FCER1A: variants seen among roughly 807,000 people sequenced by gnomAD.
FCER1A encodes the protein Fc epsilon receptor Ia.
FCER1A carries 24 observed loss-of-function variants against 23.6 expected under a neutral mutation model. The observed-to-expected ratio is 1.02, with a 90% CI of 0.74 to 1.43. The LOEUF (loss-of-function observed/expected upper bound fraction) is 1.43. Ranked by LOEUF, FCER1A falls within the 40% of genes most tolerant of loss-of-function variation. FCER1A has a pLI of 0.00. For synonymous variants in FCER1A, 121 were observed against 108.8 expected (o/e 1.11, Z -0.70); for missense variants, 318 against 294.5 (o/e 1.08, Z -0.58).
upstream of FCER1A, among the ~76,000 whole-genome samples, chr1:159,287,929 G>C (rs1652057720): frequency 6.6e-6 from 1 of 151,874 alleles, no homozygotes. Flanking sequence ...ATCTAAGCAT[G>C]CTCTCTGCTG....
chr1:159,302,405 C>A lies in FCER1A; in HGVS notation c.41C>A (p.Ala14Asp). The part of the protein sequence containing the change: ...AMESPTLLCV[A>D]LLFFAPDGVL... ...GAATCCCCTACTCTACTGTGTGTAG[C>A]CTTACTGTTCTTCGGTAAGTAGAGA... is the stretch of plus-strand genomic sequence containing the variant. The change falls in exon 1 of 5, where the codon GCC becomes GAC. Residue 14 changes from alanine to aspartate, a missense_variant. By Grantham distance (126) the Ala-to-Asp change is moderately radical. Coordinates refer to ENST00000693622, the MANE Select transcript of FCER1A (RefSeq NM_001387280.1). 1 of 1,609,432 alleles carries A rather than the reference C, an allele frequency of 6.2e-7. No homozygotes were observed. The highest frequency in any genetic ancestry group is 8.5e-7 in the Non-Finnish European group (1 of 1,175,670).
At position 159,302,852 on chromosome 1, in the gene FCER1A, A is replaced by G. The variant is rs770869369; in HGVS notation, c.56-2A>G. Reference sequence around the variant, plus strand: ...TAATGTATCCTCTCTGGACTTTTGCAGCTCCAGATGGCGTGTTAGCAGGTG... The same window carrying G: ...TAATGTATCCTCTCTGGACTTTTGCGGCTCCAGATGGCGTGTTAGCAGGTG... On this transcript the variant is annotated splice_acceptor_variant, in intron 1 of 4. Transcript: ENST00000693622. LOFTEE classifies it high-confidence loss of function. The G allele has an allele frequency of 6.2e-7, 1 of 1,613,898 alleles. No homozygotes were observed. Among genetic ancestry groups the G allele is most frequent in the East Asian group, 2.2e-5 (1 of 44,874 alleles).
upstream of FCER1A, among the ~76,000 whole-genome samples, chr1:159,298,987 T>G (rs1368192344): frequency 6.6e-6 from 1 of 152,234 alleles, no homozygotes; most frequent in Non-Finnish European, 1.5e-5. Flanking sequence ...ATCATCTATC[T>G]ATCTGGTCAT....
chr1:159,286,139 G>A (rs1304334631), upstream of FCER1A, among the ~76,000 whole-genome samples: 2 of 151,668 alleles, frequency 1.3e-5, no homozygotes, highest in African/African-American at 2.4e-5. Context: ...GCAGTGACCC[G>A]AGATCATGCC....
intron 1 of FCER1A, among the ~76,000 whole-genome samples, chr1:159,290,596 C>G (rs1652125351): frequency 6.6e-6 from 1 of 152,170 alleles, no homozygotes; most frequent in Non-Finnish European, 1.5e-5. Context: ...CCATTCAGAC[C>G]TCTAAGCTTC....
upstream of FCER1A, among the ~76,000 whole-genome samples, chr1:159,285,922 T>C (rs778507701): frequency 2.6e-5 from 4 of 152,140 alleles, no homozygotes; most frequent in Admixed American, 6.6e-5. Flanking sequence ...CTGTGGCTCA[T>C]GCCTGTAATC....
chr1:159,303,236 G>A (rs989172015), intron 2 of FCER1A, among the ~76,000 whole-genome samples: 1 of 152,062 alleles, frequency 6.6e-6, no homozygotes, highest in African/African-American at 2.4e-5. Flanking sequence ...CATGGCTAAG[G>A]AACTGGATTT....
intron 4 of FCER1A, 81 bp downstream of exon 4, chr1:159,306,326 T>C: frequency 1.4e-6 from 2 of 1,406,664 alleles, no homozygotes; most frequent in East Asian, 2.4e-5. Flanking sequence ...TTGCAGCTTG[T>C]AGAAGGGGGG....
chr1:159,286,076 G>A (rs1469150817), upstream of FCER1A, among the ~76,000 whole-genome samples: 1 of 151,724 alleles, frequency 6.6e-6, no homozygotes, highest in African/African-American at 2.4e-5. Flanking sequence ...TGTAATTCCA[G>A]CTACTCAGGA....
intron 1 of FCER1A, among the ~76,000 whole-genome samples, chr1:159,292,103 G>A (rs1031169517): frequency 6.6e-6 from 1 of 152,042 alleles, no homozygotes; most frequent in African/African-American, 2.4e-5. Flanking sequence ...TCTGCTCTGA[G>A]ACTTTCTCTG....
upstream of FCER1A, among the ~76,000 whole-genome samples, chr1:159,284,714 C>T (rs1462484823): frequency 6.6e-6 from 1 of 152,130 alleles, no homozygotes; most frequent in Non-Finnish European, 1.5e-5. Flanking sequence ...TGTCTATATA[C>T]ACATGTATTT....
At chr1:159,284,769 C>T (rs2511213), upstream of FCER1A, among the ~76,000 whole-genome samples, 62,255 of 151,968 alleles carry the variant, frequency 0.41, 15,267 homozygotes, top group East Asian at 0.71. Context: ...TGTAGCCTTT[C>T]TTCTTTTTAA....
chr1:159,284,702 C>A, the FCER1A span, among the ~76,000 whole-genome samples: 1 of 152,062 alleles, frequency 6.6e-6, no homozygotes, highest in East Asian at 1.9e-4. Flanking sequence ...TATGTGTGCA[C>A]CTGTCTATAT....
intron 1 of FCER1A, among the ~76,000 whole-genome samples, chr1:159,296,882 C>T (rs1652305655): frequency 6.6e-6 from 1 of 152,124 alleles, no homozygotes; most frequent in South Asian, 2.1e-4. Flanking sequence ...TCCTGCCCCT[C>T]CCACTGTTCC....
At chr1:159,285,711 T>C (rs574633322), upstream of FCER1A, among the ~76,000 whole-genome samples, 54 of 152,228 alleles carry the variant, frequency 3.5e-4, 1 homozygote, top group East Asian at 9.8e-3. Context: ...TTGCATGGAA[T>C]ATACAAAATA....
At position 159,304,231 on chromosome 1, in the gene FCER1A, T is replaced by C. The variant is rs754859353; in HGVS notation, c.331+49T>C. 8 of 1,571,712 alleles carry C rather than the reference T, an allele frequency of 5.1e-6. No homozygotes were observed. The South Asian group carries it at 8.1e-5, about 16-fold the overall frequency. ...ACAGATCTCTCATGTGAGGGATGGC[T>C]CATCTGAAGATGGGAAAAAACAGGT... On this transcript the variant is annotated intron_variant, in intron 3 of 4. Coordinates refer to ENST00000693622, the MANE Select transcript of FCER1A (RefSeq NM_001387280.1).
At chr1:159,283,865 T>C in the FCER1A span, among the ~76,000 whole-genome samples, 1 of 152,128 alleles carries the variant, frequency 6.6e-6, no homozygotes, top group African/African-American at 2.4e-5. Context: ...CCTGAGATCA[T>C]CCTTTTGAGA....
At chr1:159,288,559 C>T (rs1652073412), upstream of FCER1A, among the ~76,000 whole-genome samples, 5 of 152,198 alleles carry the variant, frequency 3.3e-5, no homozygotes, top group Admixed American at 3.3e-4. Context: ...ATGTCATTTA[C>T]TCTGGTAATT....
intron 1 of FCER1A, among the ~76,000 whole-genome samples, chr1:159,294,513 C>A (rs552711155): frequency 1.3e-5 from 2 of 152,266 alleles, no homozygotes; most frequent in East Asian, 3.9e-4. Flanking sequence ...GTCTATGGAG[C>A]AACATTATTT....
Sources: gnomAD v4.1 joint callset for allele counts (sites outside exome capture counted in the v4.1 genomes callset) on GRCh38, gnomAD v4.1.1 for gene constraint, MANE v1.5 for transcripts, NCBI Gene and HGNC (gene_info 2026-07-23, HGNC 2026-07-21) for gene names.